Variants in KLRG1 observed in about 807,000 individuals in gnomAD.
KLRG1 encodes the protein killer cell lectin like receptor G1.
A neutral mutation model predicts 21.8 loss-of-function variants in KLRG1; 16 were observed. The ratio of observed to expected loss-of-function variants is 0.73; its 90% CI spans 0.50 to 1.11. KLRG1 has a LOEUF of 1.11. KLRG1 is among the 50% of genes most tolerant of loss of function. KLRG1 has a pLI of 0.00. For synonymous variants in KLRG1, 69 were observed against 75.9 expected, an observed-to-expected ratio of 0.91 and a Z score of 0.47; for missense variants, 173 against 218.3, an observed-to-expected ratio of 0.79 and a Z score of 1.31.
the KLRG1 span, among the ~76,000 whole-genome samples, chr12:9,194,887 G>A: frequency 6.6e-6 from 1 of 152,140 alleles, no homozygotes; most frequent in Non-Finnish European, 1.5e-5. Flanking sequence ...TAGAATGCTT[G>A]GCTGTGTTCT....
At chr12:9,192,339 T>C in the KLRG1 span, 12 of 1,403,810 alleles carry the variant, frequency 8.5e-6, no homozygotes, top group South Asian at 1.4e-4. Context: ...CCACTTTCAG[T>C]TGTCAAGTCT....
chr12:9,158,278 AGT>A, the KLRG1 span: 2 of 1,263,792 alleles, frequency 1.6e-6, no homozygotes, highest in Non-Finnish European at 2.2e-6. Context: ...CTCTGTAGAA[AGT>A]GTAATACTCT....
chr12:9,074,814 G>A, the KLRG1 span: 1 of 1,559,740 alleles, frequency 6.4e-7, no homozygotes, highest in Non-Finnish European at 8.7e-7. Context: ...ATTTATAAGT[G>A]CCTACATATT....
At chr12:9,045,681 A>G in the KLRG1 span, among the ~76,000 whole-genome samples, 1 of 152,200 alleles carries the variant, frequency 6.6e-6, no homozygotes, top group African/African-American at 2.4e-5. Flanking sequence ...TCTAAGAAAG[A>G]GAAAGAAAGA....
intron 1 of KLRG1, among the ~76,000 whole-genome samples, chr12:8,973,579 T>C (rs896462607): frequency 6.6e-6 from 1 of 152,204 alleles, no homozygotes; most frequent in African/African-American, 2.4e-5. Context: ...CCAGAGAATA[T>C]GACAAATAAA....
the KLRG1 span, among the ~76,000 whole-genome samples, chr12:9,094,284 A>G: frequency 7.4e-5 from 11 of 148,730 alleles, no homozygotes; most frequent in African/African-American, 2.7e-4. Context: ...TTCACCTTCT[A>G]TTAAGGGTGT....
chr12:9,203,716 G>A, the KLRG1 span: 3 of 1,594,310 alleles, frequency 1.9e-6, no homozygotes, highest in Non-Finnish European at 2.6e-6. Flanking sequence ...GACCTATAGA[G>A]CTCAATAAAA....
the KLRG1 span, among the ~76,000 whole-genome samples, chr12:9,195,691 C>T: frequency 2.1e-5 from 3 of 144,494 alleles, no homozygotes; most frequent in Admixed American, 7.4e-5. Flanking sequence ...TGGCCTCAGG[C>T]GATCCTCCCC....
intron 1 of KLRG1, among the ~76,000 whole-genome samples, chr12:8,957,325 C>T (rs1258880796): frequency 6.6e-6 from 1 of 152,204 alleles, no homozygotes; most frequent in Non-Finnish European, 1.5e-5. Context: ...ATATCTTCCA[C>T]CCACAAATTT....
At chr12:9,160,230 G>T in the KLRG1 span, 1 of 1,284,558 alleles carries the variant, frequency 7.8e-7, no homozygotes, top group Non-Finnish European at 1.1e-6. Flanking sequence ...ATCATCATGG[G>T]TTAATATTTG....
chr12:9,036,636 C>G, the KLRG1 span: 5 of 206,558 alleles, frequency 2.4e-5, no homozygotes, highest in South Asian at 1.6e-4. Context: ...ACAGAAATCA[C>G]AATTGGACCA....
At chr12:8,957,250 T>A (rs909536526) in intron 1 of KLRG1, among the ~76,000 whole-genome samples, 2 of 152,200 alleles carry the variant, frequency 1.3e-5, no homozygotes, top group Non-Finnish European at 2.9e-5. Context: ...AGGGGACATG[T>A]TCCAAGGCCC....
the KLRG1 span, among the ~76,000 whole-genome samples, chr12:9,181,552 G>C: frequency 6.6e-6 from 1 of 152,146 alleles, no homozygotes; most frequent in Non-Finnish European, 1.5e-5. Context: ...ACAAAATATA[G>C]CTTCTCGGTA....
the KLRG1 span, among the ~76,000 whole-genome samples, chr12:9,042,291 A>G: frequency 6.6e-6 from 1 of 152,256 alleles, no homozygotes; most frequent in Non-Finnish European, 1.5e-5. Flanking sequence ...GATTGAAAAC[A>G]AAACTGTTTC....
the KLRG1 span, chr12:9,077,396 G>A: frequency 6.2e-7 from 1 of 1,613,454 alleles, no homozygotes; most frequent in African/African-American, 1.3e-5. Context: ...TAGGCGGAGA[G>A]GGTCACTTCA....
the KLRG1 span, among the ~76,000 whole-genome samples, chr12:9,190,373 A>C: frequency 1.3e-5 from 2 of 152,256 alleles, no homozygotes; most frequent in Non-Finnish European, 2.9e-5. Context: ...AGAAGCTATC[A>C]TTCTTAGCAA....
intron 1 of KLRG1, among the ~76,000 whole-genome samples, chr12:8,981,493 A>G: frequency 6.6e-6 from 1 of 151,236 alleles, no homozygotes; most frequent in East Asian, 1.9e-4. Context: ...GTTTAAAATT[A>G]TTTTTTTCTT....
At chr12:9,164,266 C>A in the KLRG1 span, 2 of 1,611,834 alleles carry the variant, frequency 1.2e-6, no homozygotes, top group Admixed American at 1.7e-5. Context: ...TGACCTATCA[C>A]CCCATGTGAG....
chr12:9,104,350 G>A, the KLRG1 span: 404 of 1,606,800 alleles, frequency 2.5e-4, 1 homozygote, highest in African/African-American at 4.7e-3. Flanking sequence ...TTCCTCTGAT[G>A]AATATGACTT....
Sources: allele counts gnomAD v4.1 joint callset (sites outside exome capture counted in the v4.1 genomes callset), GRCh38; gene constraint gnomAD v4.1.1; transcripts MANE v1.5; gene names NCBI Gene and HGNC (gene_info 2026-07-23, HGNC 2026-07-21).